The following ADGRL3 variants were observed in gnomAD, a reference collection of about 807,000 sequenced individuals.
The protein encoded by ADGRL3 is adhesion G protein-coupled receptor L3.
ADGRL3 carries 62 observed loss-of-function variants against 153.5 expected under a neutral mutation model. The ratio of observed to expected loss-of-function variants is 0.40; its 90% confidence interval spans 0.33 to 0.50. ADGRL3 has a LOEUF of 0.50. Among genes scored for constraint, ADGRL3 ranks in the 20% least tolerant of loss-of-function variants. ADGRL3 has a pLI of 0.47. For missense variants in ADGRL3, 1,641 were observed against 1,859.4 expected (o/e 0.88, Z 2.16); for synonymous variants, 710 against 672.5 (o/e 1.06, Z -0.86).
At chr4:61,510,570 A>G (rs1028019328) in intron 3 of ADGRL3, among the ~76,000 whole-genome samples, 15 of 152,076 alleles carry the variant, frequency 9.9e-5, no homozygotes, top group Non-Finnish European at 1.5e-5. Context: ...AGATGGTTGT[A>G]TGTGTGTGGC....
chr4:61,666,618 AACTC>A (rs1341284771), intron 5 of ADGRL3, among the ~76,000 whole-genome samples: 3 of 152,048 alleles, frequency 2.0e-5, no homozygotes, highest in Non-Finnish European at 4.4e-5. Context: ...TATCCTAACT[AACTC>A]ACAGTGAAAT....
intron 2 of ADGRL3, among the ~76,000 whole-genome samples, chr4:61,408,908 A>G (rs13107100): frequency 0.23 from 34,926 of 151,632 alleles, 4,209 homozygotes; most frequent in South Asian, 0.32. Context: ...TTTCAAATAA[A>G]CATCAGAAAT....
At chr4:61,919,081 G>A (rs926487095) in intron 13 of ADGRL3, among the ~76,000 whole-genome samples, 1 of 152,156 alleles carries the variant, frequency 6.6e-6, no homozygotes, top group Admixed American at 6.6e-5. Context: ...AATGATTTGT[G>A]CGTTGCTTGA....
At chr4:61,294,237 A>G (rs1419643061) in intron 1 of ADGRL3, among the ~76,000 whole-genome samples, 11 of 152,180 alleles carry the variant, frequency 7.2e-5, no homozygotes, top group African/African-American at 2.4e-4. Flanking sequence ...GTGTGTTTCC[A>G]GCTGAGTACA....
At chr4:61,424,781 T>C (rs911222998) in intron 2 of ADGRL3, among the ~76,000 whole-genome samples, 1 of 152,132 alleles carries the variant, frequency 6.6e-6, no homozygotes, top group African/African-American at 2.4e-5. Context: ...GGCCAAGCTG[T>C]GTGCTCTGCA....
At chr4:61,751,401 A>G (rs1424892445) in intron 8 of ADGRL3, among the ~76,000 whole-genome samples, 1 of 152,178 alleles carries the variant, frequency 6.6e-6, no homozygotes, top group Non-Finnish European at 1.5e-5. Flanking sequence ...AACAAACACT[A>G]TTAGGTACAG....
intron 17 of ADGRL3, among the ~76,000 whole-genome samples, chr4:61,960,814 G>A (rs1271387363): frequency 1.3e-5 from 2 of 151,966 alleles, no homozygotes; most frequent in Admixed American, 6.6e-5. Context: ...AGGTTCAAGC[G>A]ATTCTCTGTC....
At chr4:61,929,767 T>A (rs1191220703) in intron 13 of ADGRL3, among the ~76,000 whole-genome samples, 1 of 152,046 alleles carries the variant, frequency 6.6e-6, no homozygotes, top group African/African-American at 2.4e-5. Context: ...AAACAGGTAA[T>A]AGGTTTAAGG....
chr4:61,926,335 T>A (rs753674925), intron 13 of ADGRL3, among the ~76,000 whole-genome samples: 3 of 152,228 alleles, frequency 2.0e-5, no homozygotes, highest in Non-Finnish European at 4.4e-5. Flanking sequence ...TATACTTTTA[T>A]ACCCACTACC....
At chr4:61,740,731 G>C (rs2096571986) in intron 8 of ADGRL3, among the ~76,000 whole-genome samples, 1 of 152,166 alleles carries the variant, frequency 6.6e-6, no homozygotes, top group African/African-American at 2.4e-5. Context: ...TCTACTGGTT[G>C]AGATTTAGTG....
chr4:61,465,584 A>G (rs1036867013), intron 2 of ADGRL3, among the ~76,000 whole-genome samples: 3 of 151,392 alleles, frequency 2.0e-5, no homozygotes, highest in Non-Finnish European at 4.4e-5. Context: ...TTTTTAAATT[A>G]AATGTTAAAA....
chr4:61,999,562 G>C (rs2099133432), intron 21 of ADGRL3, among the ~76,000 whole-genome samples: 1 of 152,136 alleles, frequency 6.6e-6, no homozygotes, highest in African/African-American at 2.4e-5. Flanking sequence ...TTAAATGAAT[G>C]TATTTTCAGA....
chr4:61,521,386 G>A (rs2098530179), intron 4 of ADGRL3, among the ~76,000 whole-genome samples: 1 of 152,186 alleles, frequency 6.6e-6, no homozygotes, highest in African/African-American at 2.4e-5. Context: ...GAAGTGGTCA[G>A]AGATCTGGTC....
At chr4:61,726,237 C>T (rs1331415836) in intron 6 of ADGRL3, among the ~76,000 whole-genome samples, 4 of 60,308 alleles carry the variant, frequency 6.6e-5, no homozygotes, top group Non-Finnish European at 6.6e-5. Context: ...CTCACCCTGT[C>T]GCCCAGGTTG....
chr4:61,854,996 G>C (rs2098246624), intron 9 of ADGRL3, among the ~76,000 whole-genome samples: 1 of 152,092 alleles, frequency 6.6e-6, no homozygotes, highest in Non-Finnish European at 1.5e-5. Context: ...CACCCTAAGT[G>C]TAAGAAAGTA....
chr4:61,583,653 A>C, intron 4 of ADGRL3: 1 of 518,022 alleles, frequency 1.9e-6, no homozygotes. Flanking sequence ...TTTATCAGAG[A>C]TGTTTAATTA....
chr4:61,809,085 A>T (rs2148550729), intron 8 of ADGRL3, among the ~76,000 whole-genome samples: 1 of 152,244 alleles, frequency 6.6e-6, no homozygotes, highest in Admixed American at 6.5e-5. Flanking sequence ...CAGTTGAAAA[A>T]TTTAAAGCAA....
intron 25 of ADGRL3, among the ~76,000 whole-genome samples, chr4:62,066,848 A>AAG (rs1247875386): frequency 1.3e-5 from 2 of 152,100 alleles, no homozygotes; most frequent in African/African-American, 2.4e-5. Context: ...GAATTGGAAG[A>AAG]AGTCTGGAAG....
intron 7 of ADGRL3, among the ~76,000 whole-genome samples, chr4:61,731,866 A>AT (rs1235627035): frequency 6.6e-6 from 1 of 152,120 alleles, no homozygotes; most frequent in African/African-American, 2.4e-5. Flanking sequence ...CACCATTCAC[A>AT]TGATATGCTA....
Sources: allele counts gnomAD v4.1 joint callset (sites outside exome capture counted in the v4.1 genomes callset), GRCh38; gene constraint gnomAD v4.1.1; transcripts MANE v1.5; gene names NCBI Gene and HGNC (gene_info 2026-07-23, HGNC 2026-07-21).